MAST2: variants seen among roughly 807,000 people sequenced by gnomAD.
MAST2 encodes the protein microtubule-associated serine/threonine-protein kinase 2.
A neutral mutation model predicts 147.4 loss-of-function variants in MAST2; 70 were observed. The observed-to-expected ratio is 0.47, with a 90% CI of 0.39 to 0.58. The LOEUF is 0.58. Among genes scored for constraint, MAST2 ranks in the 20% least tolerant of loss-of-function variants. The pLI is 0.00. For missense variants in MAST2, 2,080 were observed against 2,302.3 expected (o/e 0.90, Z 1.98); for synonymous variants, 869 against 896.8 (o/e 0.97, Z 0.55).
At chr1:45,842,008 TA>T (rs772228906) in intron 3 of MAST2, among the ~76,000 whole-genome samples, 12 of 152,206 alleles carry the variant, frequency 7.9e-5, no homozygotes, top group Non-Finnish European at 1.6e-4. Flanking sequence ...TGGCTTTAGA[TA>T]ATAGAGAAGT....
chr1:45,841,686 G>C (rs2147913502), intron 3 of MAST2, among the ~76,000 whole-genome samples: 1 of 152,286 alleles, frequency 6.6e-6, no homozygotes, highest in Admixed American at 6.5e-5. Flanking sequence ...CAGCAGTATA[G>C]GTTTAGAAAG....
chr1:45,958,544 C>T (rs906196892), intron 4 of MAST2, among the ~76,000 whole-genome samples: 1 of 151,132 alleles, frequency 6.6e-6, no homozygotes, highest in Non-Finnish European at 1.5e-5. Context: ...CTCTATCCCC[C>T]TCTCCCCCTC....
At chr1:45,975,794 T>TA (rs1011664665) in intron 5 of MAST2, among the ~76,000 whole-genome samples, 11 of 151,912 alleles carry the variant, frequency 7.2e-5, no homozygotes, top group African/African-American at 2.7e-4. Flanking sequence ...TATGCAGTGC[T>TA]AAAGGGATGA....
intron 4 of MAST2, among the ~76,000 whole-genome samples, chr1:45,885,352 G>C (rs1647035912): frequency 2.0e-5 from 3 of 152,134 alleles, no homozygotes; most frequent in Admixed American, 6.5e-5. Context: ...CTCTAGTTTG[G>C]TGTTCTTGTC....
In MAST2 at chr1:45,803,813, G is replaced by A. The variant is rs1233316982; in HGVS notation, c.-83G>A. 1 of 386,304 alleles carries A rather than the reference G, an allele frequency of 2.6e-6. No homozygotes were observed. The highest frequency in any genetic ancestry group is 2.1e-5 in the African/African-American group (1 of 47,632). The allele number at this position is 386,304 out of a possible 1,614,324, so 23.9% of individuals were successfully genotyped here. ...CCGGCCATGGTGGCCGCGGGTGGTG[G>A]TTGGCGCGGCTGCGCTGCGGCCCGG... On this transcript the variant is annotated 5_prime_UTR_variant, in exon 1 of 29. Coordinates refer to ENST00000361297, the MANE Select transcript of MAST2 (RefSeq NM_015112.3).
At chr1:45,968,529 C>T (rs1000011026) in intron 5 of MAST2, among the ~76,000 whole-genome samples, 2 of 149,952 alleles carry the variant, frequency 1.3e-5, no homozygotes, top group African/African-American at 2.5e-5. Flanking sequence ...ACTCCACTAT[C>T]TTCTTGCTTG....
chr1:45,997,872 T>A (rs1645120895), intron 6 of MAST2, 73 bp downstream of exon 6: 2 of 1,247,416 alleles, frequency 1.6e-6, no homozygotes, highest in Non-Finnish European at 2.4e-6. Flanking sequence ...AATGTCAGAT[T>A]CCTCCTTTAA....
At chr1:45,927,007 AAG>A (rs954219571) in intron 4 of MAST2, among the ~76,000 whole-genome samples, 1 of 152,206 alleles carries the variant, frequency 6.6e-6, no homozygotes, top group African/African-American at 2.4e-5. Context: ...CAGAGTACAA[AAG>A]AGAGAAATTT....
At chr1:45,851,820 T>C (rs1261132651) in intron 3 of MAST2, among the ~76,000 whole-genome samples, 1 of 152,104 alleles carries the variant, frequency 6.6e-6, no homozygotes, top group African/African-American at 2.4e-5. Context: ...GCAAATAGAA[T>C]TAATGGACTA....
chr1:45,812,792 C>A (rs1644343021), intron 1 of MAST2, among the ~76,000 whole-genome samples: 1 of 152,204 alleles, frequency 6.6e-6, no homozygotes, highest in African/African-American at 2.4e-5. Flanking sequence ...TCAAACTTAA[C>A]ATGTCCAAAA....
intron 5 of MAST2, among the ~76,000 whole-genome samples, chr1:45,992,314 T>C (rs1324828896): frequency 1.3e-5 from 2 of 152,220 alleles, no homozygotes; most frequent in East Asian, 3.8e-4. Flanking sequence ...ATATGATTTT[T>C]CTTCTTTAGT....
chr1:45,890,929 A>G lies in MAST2; in HGVS notation c.500+8534A>G, dbSNP rs116142430. Among the ~76,000 whole-genome samples, 1,116 of 152,344 alleles carry G rather than the reference A, an allele frequency of 7.3e-3. 15 individuals carry two copies. Among genetic ancestry groups the G allele is most frequent in the African/African-American group, 0.026 (1,066 of 41,570 alleles). On this transcript the variant is annotated intron_variant, in intron 4 of 28. Coordinates refer to ENST00000361297, the MANE Select transcript of MAST2 (RefSeq NM_015112.3). ...CTCCTACCTCTAGAAATATAGTTGC[A>G]TAATAACAAATTTTGAAATATGTGT...
intron 3 of MAST2, among the ~76,000 whole-genome samples, chr1:45,863,895 A>G (rs1646060455): frequency 6.6e-6 from 1 of 152,182 alleles, no homozygotes; most frequent in Non-Finnish European, 1.5e-5. Flanking sequence ...CTCACTTCCT[A>G]AAAATATAAT....
At chr1:45,946,284 G>C (rs1658012272) in intron 4 of MAST2, among the ~76,000 whole-genome samples, 2 of 152,090 alleles carry the variant, frequency 1.3e-5, no homozygotes, top group Admixed American at 6.5e-5. Context: ...TTTTCTTGGT[G>C]GTGGGGAGAT....
intron 18 of MAST2, 113 bp from the exon 19 acceptor site, chr1:46,029,353 C>T (rs991465200): frequency 3.0e-5 from 24 of 788,776 alleles, no homozygotes; most frequent in South Asian, 1.7e-4. Flanking sequence ...CTTTCAGGGG[C>T]TCCAGGCTGG....
intron 5 of MAST2, among the ~76,000 whole-genome samples, chr1:45,965,799 C>T (rs1019763733): frequency 1.3e-5 from 2 of 151,964 alleles, no homozygotes; most frequent in Non-Finnish European, 2.9e-5. Context: ...ACCATATACC[C>T]CCTGCCCTCA....
intron 3 of MAST2, among the ~76,000 whole-genome samples, chr1:45,875,486 A>C (rs1325636972): frequency 6.6e-6 from 1 of 152,142 alleles, no homozygotes; most frequent in Non-Finnish European, 1.5e-5. Context: ...TATTTATTTC[A>C]TTATACCCAC....
At chr1:45,978,064 C>CA (rs1644247018) in intron 5 of MAST2, among the ~76,000 whole-genome samples, 1 of 151,304 alleles carries the variant, frequency 6.6e-6, no homozygotes, top group Non-Finnish European at 1.5e-5. Flanking sequence ...ATTTAAAAAA[C>CA]AAAAACAAAA....
chr1:45,983,870 CTT>C (rs929546245), intron 5 of MAST2, among the ~76,000 whole-genome samples: 7 of 152,146 alleles, frequency 4.6e-5, no homozygotes, highest in African/African-American at 1.7e-4. Context: ...CACAAACACT[CTT>C]TTTAGGGCGA....
Sources: allele counts gnomAD v4.1 joint callset (sites outside exome capture counted in the v4.1 genomes callset), GRCh38; gene constraint gnomAD v4.1.1; transcripts MANE v1.5; gene names NCBI Gene and HGNC (gene_info 2026-07-23, HGNC 2026-07-21).